Variants in KLHL4 observed in about 807,000 individuals in gnomAD.
KLHL4 encodes kelch-like protein 4.
A neutral mutation model predicts 45.8 loss-of-function variants in KLHL4; 17 were observed. The observed-to-expected ratio is 0.37, with a 90% CI of 0.25 to 0.56. KLHL4 has a LOEUF of 0.56. KLHL4 is among the 20% of genes least tolerant of loss of function. KLHL4 has a pLI of 0.79. For missense variants in KLHL4, 544 were observed against 544.9 expected, an observed-to-expected ratio of 1.00 and a Z score of 0.02; for synonymous variants, 224 against 189.9, an observed-to-expected ratio of 1.18 and a Z score of -1.47.
chrX:87,665,631 C>G lies in KLHL4; in HGVS notation c.2097+696C>G, dbSNP rs1231658501. 3.6e-5 allele frequency among the ~76,000 whole-genome samples: 4 copies of G among 111,638 alleles called. No individual in the cohort carries two copies. In the Admixed American group the frequency reaches 3.8e-4, roughly 11 times the overall value. ...TAGATTTATTCTAAAATATTTAATA[C>G]TTTGTCAATTAAATGATGAGTTAAC... On this transcript the variant is annotated intron_variant, in intron 10 of 10. Transcript: ENST00000373119.
chrX:87,595,188 AG>A (rs764271049), intron 1 of KLHL4, among the ~76,000 whole-genome samples: 176 of 110,560 alleles, frequency 1.6e-3, no homozygotes, highest in African/African-American at 5.3e-3. Context: ...ACCCCACAAC[AG>A]GCCCTGGTGT....
intron 1 of KLHL4, among the ~76,000 whole-genome samples, chrX:87,585,245 A>T (rs1921426673): frequency 8.9e-6 from 1 of 111,908 alleles, no homozygotes; most frequent in Non-Finnish European, 1.9e-5. Context: ...TAAAGGGAGA[A>T]CTTCAATAAA....
At chrX:87,567,445 A>G (rs62608267) in intron 1 of KLHL4, among the ~76,000 whole-genome samples, 4,641 of 111,656 alleles carry the variant, frequency 0.042, 93 homozygotes, top group Middle Eastern at 0.12. Flanking sequence ...GAATTATGGC[A>G]TGATCTAGCA....
chrX:87,591,343 T>A (rs987903253), intron 1 of KLHL4, among the ~76,000 whole-genome samples: 5 of 112,180 alleles, frequency 4.5e-5, no homozygotes, highest in South Asian at 3.7e-4. Context: ...TAATTGTAAC[T>A]TTTTACTCGT....
chrX:87,518,347 G>GT lies in KLHL4; in HGVS notation c.422+33dup, dbSNP rs1569331895. ...GTTTTTGGTCGCATAACTGAATGCCGTAACTTCAGTTAACTTATCCTCTAC... is the reference window on the plus strand; with the variant it reads ...GTTTTTGGTCGCATAACTGAATGCCGTTAACTTCAGTTAACTTATCCTCTAC... On this transcript the variant is annotated intron_variant, in intron 1 of 10. Coordinates refer to ENST00000373119, the MANE Select transcript of KLHL4 (RefSeq NM_019117.5). The GT allele has an allele frequency of 2.9e-6, 3 of 1,051,156 alleles. No homozygotes were observed. The South Asian group carries it at 6.0e-5, about 21-fold the overall frequency. The allele number at this position is 1,051,156 out of a possible 1,213,427, so 86.6% of individuals were successfully genotyped here.
At chrX:87,615,452 T>G (rs909803942) in intron 3 of KLHL4, among the ~76,000 whole-genome samples, 1 of 111,071 alleles carries the variant, frequency 9.0e-6, no homozygotes, top group Non-Finnish European at 1.9e-5. Flanking sequence ...ACAAAATAGT[T>G]ACCTTATAAC....
At chrX:87,581,236 CG>C (rs1376620943) in intron 1 of KLHL4, among the ~76,000 whole-genome samples, 3 of 111,909 alleles carry the variant, frequency 2.7e-5, no homozygotes, top group East Asian at 2.8e-4. Flanking sequence ...GGTGGAGTGC[CG>C]GGGGGTGGGG....
chrX:87,558,538 C>T (rs763397620), intron 1 of KLHL4, among the ~76,000 whole-genome samples: 16 of 111,347 alleles, frequency 1.4e-4, no homozygotes, highest in Admixed American at 9.6e-4. Flanking sequence ...TGCAGTGAGC[C>T]GAGTTCGGCC....
chrX:87,590,744 T>C (rs936970112), intron 1 of KLHL4, among the ~76,000 whole-genome samples: 4 of 111,989 alleles, frequency 3.6e-5, no homozygotes, highest in African/African-American at 9.7e-5. Flanking sequence ...GAGAAAAAGA[T>C]AGTTCCTGCA....
intron 1 of KLHL4, among the ~76,000 whole-genome samples, chrX:87,531,160 A>G (rs1476112932): frequency 9.1e-6 from 1 of 109,950 alleles, no homozygotes. Context: ...TAGATTCTGG[A>G]TATTAGCCCT....
intron 9 of KLHL4, among the ~76,000 whole-genome samples, chrX:87,652,944 A>G (rs1923867287): frequency 8.9e-6 from 1 of 112,330 alleles, no homozygotes; most frequent in South Asian, 3.7e-4. Flanking sequence ...CGTGGAGGCC[A>G]TGGCAGAAGG....
At chrX:87,547,742 ACCCGGGAGG>A (rs1367597437) in intron 1 of KLHL4, among the ~76,000 whole-genome samples, 1 of 110,688 alleles carries the variant, frequency 9.0e-6, no homozygotes, top group Admixed American at 9.7e-5. Flanking sequence ...AATGGCGTGA[ACCCGGGAGG>A]TGGAGCTTGC....
At chrX:87,619,873 C>T (rs867141862) in intron 4 of KLHL4, among the ~76,000 whole-genome samples, 3 of 111,539 alleles carry the variant, frequency 2.7e-5, no homozygotes, top group Non-Finnish European at 5.6e-5. Context: ...AATGTTGTTG[C>T]AGTACTGGAT....
chrX:87,657,785 T>A (rs72634521), intron 9 of KLHL4, among the ~76,000 whole-genome samples: 4,015 of 111,502 alleles, frequency 0.036, 57 homozygotes, highest in South Asian at 0.12. Flanking sequence ...GATCCCATGC[T>A]TTGCCTATGA....
chrX:87,611,880 G>C (rs758678308), intron 1 of KLHL4, among the ~76,000 whole-genome samples: 2 of 110,888 alleles, frequency 1.8e-5, no homozygotes, highest in Non-Finnish European at 3.8e-5. Flanking sequence ...TGATATTGAT[G>C]ATCTTGACCT....
intron 1 of KLHL4, among the ~76,000 whole-genome samples, chrX:87,524,915 A>G (rs1569333201): frequency 8.9e-6 from 1 of 111,857 alleles, no homozygotes; most frequent in Non-Finnish European, 1.9e-5. Flanking sequence ...TCAATTTCCT[A>G]AGTCAGCAAT....
rs1374601565 is a variant in KLHL4 at position 87,632,417 on chromosome X, C to T, written c.1532C>T (p.Thr511Ile). 1.4e-5 allele frequency: 17 copies of T among 1,187,816 alleles called. No homozygotes were observed. The highest frequency in any genetic ancestry group is 1.9e-5 in the Non-Finnish European group (17 of 875,960). ...TGGACTGTGATGCCTCCCATGTCAACACATCGGCACGGCTTAGGTAAGAGC... is the reference window on the plus strand; with the variant it reads ...TGGACTGTGATGCCTCCCATGTCAATACATCGGCACGGCTTAGGTAAGAGC... ...KIWTVMPPMS[T>I]HRHGLGVATL... The change falls in exon 7 of 11, where the codon ACA (threonine) becomes ATA (isoleucine). Residue 511 changes from threonine (T) to isoleucine (I), a missense_variant. Thr to Ile is a moderately conservative substitution (Grantham distance 89, BLOSUM62 -1). Transcript: ENST00000373119.
intron 9 of KLHL4, among the ~76,000 whole-genome samples, chrX:87,653,371 GA>G (rs1207106375): frequency 1.8e-5 from 2 of 111,686 alleles, no homozygotes; most frequent in African/African-American, 6.5e-5. Flanking sequence ...CAACAAACAT[GA>G]AAAAAAGCTC....
intron 1 of KLHL4, among the ~76,000 whole-genome samples, chrX:87,598,091 A>T (rs1413940472): frequency 1.8e-5 from 2 of 110,506 alleles, no homozygotes; most frequent in Non-Finnish European, 3.8e-5. Flanking sequence ...GTAAAAACAT[A>T]TTGTGTTAAA....
Sources: gnomAD v4.1 joint callset for allele counts (sites outside exome capture counted in the v4.1 genomes callset) on GRCh38, gnomAD v4.1.1 for gene constraint, MANE v1.5 for transcripts, NCBI Gene and HGNC (gene_info 2026-07-23, HGNC 2026-07-21) for gene names.